The following ANK3 variants were observed in gnomAD, a reference collection of about 807,000 sequenced individuals.
ANK3 encodes the protein ankyrin-3.
Under a neutral mutation model 370.9 loss-of-function variants are expected in ANK3, and 57 were observed. That is an observed-to-expected ratio of 0.15 (90% CI 0.12 to 0.19). The LOEUF is 0.19. ANK3 is among the 10% of genes least tolerant of loss of function. The pLI, the probability that ANK3 is intolerant of heterozygous loss-of-function variation, is 1.00. For synonymous variants in ANK3, 1,929 were observed against 1,946.3 expected, an observed-to-expected ratio of 0.99 and a Z score of 0.23; for missense variants, 4,439 against 5,302.1, an observed-to-expected ratio of 0.84 and a Z score of 5.06.
chr10:60,098,342 C>G (rs777407588), intron 28 of ANK3, among the ~76,000 whole-genome samples: 30 of 152,078 alleles, frequency 2.0e-4, no homozygotes, highest in Non-Finnish European at 3.7e-4. Flanking sequence ...GCTATCATTT[C>G]CATTTCATTC....
intron 2 of ANK3, among the ~76,000 whole-genome samples, chr10:60,556,178 T>C (rs1190544319): frequency 6.6e-6 from 1 of 152,210 alleles, no homozygotes; most frequent in Non-Finnish European, 1.5e-5. Flanking sequence ...ATTTGAGCCA[T>C]GGTTAAGTTA....
intron 40 of ANK3, chr10:60,062,296 A>G (rs1235637270): frequency 6.6e-6 from 1 of 152,194 alleles, no homozygotes; most frequent in East Asian, 1.9e-4. Context: ...CATTGTAGGA[A>G]TAAATTTTCA....
chr10:60,584,257 T>C (rs1048098986), intron 2 of ANK3, among the ~76,000 whole-genome samples: 20 of 152,274 alleles, frequency 1.3e-4, no homozygotes, highest in Non-Finnish European at 2.6e-4. Context: ...TAAGATGACA[T>C]CAGAATAGCT....
At chr10:60,717,780 GAGA>G (rs2079810658) in intron 1 of ANK3, among the ~76,000 whole-genome samples, 1 of 152,186 alleles carries the variant, frequency 6.6e-6, no homozygotes, top group South Asian at 2.1e-4. Context: ...AAGTTACCAA[GAGA>G]CTGAGAGATT....
At chr10:60,191,411 G>T (rs1029167377) in intron 16 of ANK3, among the ~76,000 whole-genome samples, 1 of 151,874 alleles carries the variant, frequency 6.6e-6, no homozygotes, top group African/African-American at 2.4e-5. Context: ...TTAAAAAGAA[G>T]GCAAAGGACA....
At chr10:60,205,052 A>G (rs1280204461) in intron 11 of ANK3, among the ~76,000 whole-genome samples, 2 of 152,090 alleles carry the variant, frequency 1.3e-5, no homozygotes, top group Non-Finnish European at 2.9e-5. Flanking sequence ...GCTAGGATGT[A>G]GTGAGGTGGA....
chr10:60,449,400 A>T (rs958869949), intron 2 of ANK3, among the ~76,000 whole-genome samples: 1 of 152,210 alleles, frequency 6.6e-6, no homozygotes, highest in Non-Finnish European at 1.5e-5. Flanking sequence ...GCTAGCCTGA[A>T]TTGAAACACT....
chr10:60,613,786 A>G (rs1247532319), intron 2 of ANK3, among the ~76,000 whole-genome samples: 2 of 152,136 alleles, frequency 1.3e-5, no homozygotes, highest in African/African-American at 4.8e-5. Flanking sequence ...TTAGGAAGAC[A>G]ATTCAGACCG....
At chr10:60,201,392 G>T (rs898340900) in intron 12 of ANK3, among the ~76,000 whole-genome samples, 2 of 152,174 alleles carry the variant, frequency 1.3e-5, no homozygotes, top group African/African-American at 4.8e-5. Flanking sequence ...TGCCAGGATG[G>T]TGCTTGTTTT....
chr10:60,234,293 A>G (rs889318842), intron 8 of ANK3, among the ~76,000 whole-genome samples: 1 of 152,128 alleles, frequency 6.6e-6, no homozygotes, highest in African/African-American at 2.4e-5. Flanking sequence ...ATTTTTTTTG[A>G]GGAAGCTCCA....
chr10:60,599,901 C>T (rs1360531740), intron 2 of ANK3, among the ~76,000 whole-genome samples: 2 of 152,134 alleles, frequency 1.3e-5, no homozygotes, highest in Non-Finnish European at 2.9e-5. Flanking sequence ...ACAACTCTGG[C>T]TTTCTCTTTG....
chr10:60,581,516 C>G (rs1056590620), intron 2 of ANK3, among the ~76,000 whole-genome samples: 1 of 150,828 alleles, frequency 6.6e-6, no homozygotes, highest in East Asian at 2.0e-4. Flanking sequence ...GCTTTGCCAC[C>G]CGGGTTCAAG....
chr10:60,035,484 C>T (rs2074739011), intron 43 of ANK3, among the ~76,000 whole-genome samples: 1 of 151,724 alleles, frequency 6.6e-6, no homozygotes, highest in African/African-American at 2.4e-5. Flanking sequence ...AACTTCTGAC[C>T]TCAGGTGATC....
At chr10:60,136,447 A>G (rs750424659) in intron 24 of ANK3, among the ~76,000 whole-genome samples, 1 of 152,152 alleles carries the variant, frequency 6.6e-6, no homozygotes, top group Non-Finnish European at 1.5e-5. Context: ...TCTCTGCATT[A>G]GACATTCATT....
intron 2 of ANK3, among the ~76,000 whole-genome samples, chr10:60,464,073 T>C (rs958427355): frequency 1.3e-5 from 2 of 152,182 alleles, no homozygotes; most frequent in Non-Finnish European, 2.9e-5. Flanking sequence ...GTGCCTTCTA[T>C]GTGGGTACTA....
intron 1 of ANK3, among the ~76,000 whole-genome samples, chr10:60,388,169 T>C (rs988891285): frequency 6.6e-6 from 1 of 152,212 alleles, no homozygotes; most frequent in African/African-American, 2.4e-5. Flanking sequence ...TGTATTTTTA[T>C]GAAAATATAT....
intron 23 of ANK3, 99 bp downstream of exon 23, chr10:60,166,490 GAA>G: frequency 1.1e-6 from 1 of 879,986 alleles, no homozygotes; most frequent in South Asian, 1.6e-5. Context: ...AAGATAATAT[GAA>G]AAGTTAGTAA....
chr10:60,698,979 T>C (rs2079509214), intron 1 of ANK3, among the ~76,000 whole-genome samples: 2 of 151,566 alleles, frequency 1.3e-5, no homozygotes, highest in South Asian at 4.2e-4. Context: ...ACATTCACAG[T>C]GACCTGGATG....
intron 1 of ANK3, among the ~76,000 whole-genome samples, chr10:60,349,737 G>T (rs2056472934): frequency 6.6e-6 from 1 of 152,198 alleles, no homozygotes; most frequent in Non-Finnish European, 1.5e-5. Context: ...AAGTTGAAAT[G>T]AGGGTAGAAA....
Sources: allele counts gnomAD v4.1 joint callset (sites outside exome capture counted in the v4.1 genomes callset), GRCh38; gene constraint gnomAD v4.1.1; transcripts MANE v1.5; gene names NCBI Gene and HGNC (gene_info 2026-07-23, HGNC 2026-07-21).